The following RARB variants were observed in gnomAD, a reference collection of about 807,000 sequenced individuals.
The protein encoded by RARB is retinoic acid receptor beta.
Under a neutral mutation model 51.9 loss-of-function variants are expected in RARB, and 17 were observed. The ratio of observed to expected loss-of-function variants is 0.33; its 90% CI spans 0.22 to 0.49. The LOEUF is 0.49. Ranked by LOEUF, RARB falls within the 20% of genes least tolerant of loss-of-function variation. The pLI is 0.99. For synonymous variants in RARB, 215 were observed against 195.4 expected, an observed-to-expected ratio of 1.10 and a Z score of -0.84; for missense variants, 369 against 550.8, an observed-to-expected ratio of 0.67 and a Z score of 3.30.
At chr3:25,099,933 C>T (rs898871388) in intron 3 of RARB, among the ~76,000 whole-genome samples, 1 of 152,160 alleles carries the variant, frequency 6.6e-6, no homozygotes, top group African/African-American at 2.4e-5. Flanking sequence ...TATGGACTAC[C>T]TTGGCTCCTT....
chr3:25,571,393 T>A (rs779774060), intron 4 of RARB, among the ~76,000 whole-genome samples: 52 of 152,270 alleles, frequency 3.4e-4, no homozygotes, highest in Non-Finnish European at 5.0e-4. Flanking sequence ...GAAGAGCAAA[T>A]GAGCCGGGCT....
chr3:25,200,874 A>G (rs1464238433), intron 5 of RARB, among the ~76,000 whole-genome samples: 5 of 152,138 alleles, frequency 3.3e-5, no homozygotes, highest in Non-Finnish European at 5.9e-5. Flanking sequence ...GTCAGGTAGC[A>G]TGATACCTCC....
chr3:25,474,993 A>G (rs993903574), intron 2 of RARB, among the ~76,000 whole-genome samples: 6 of 152,136 alleles, frequency 3.9e-5, no homozygotes, highest in Admixed American at 1.3e-4. Context: ...TCTGTGCAAA[A>G]TTATGAATTA....
intron 5 of RARB, among the ~76,000 whole-genome samples, chr3:25,180,989 G>C (rs1010391384): frequency 6.6e-6 from 1 of 152,144 alleles, no homozygotes. Context: ...AAGGGAAATA[G>C]AGAAGGTAAG....
At chr3:24,896,541 C>T (rs1409016987) in intron 2 of RARB, among the ~76,000 whole-genome samples, 1 of 152,068 alleles carries the variant, frequency 6.6e-6, no homozygotes, top group African/African-American at 2.4e-5. Flanking sequence ...TTACAGGTGC[C>T]AGCCACCGCG....
chr3:25,424,812 T>C (rs1371222417), upstream of RARB, among the ~76,000 whole-genome samples: 2 of 152,224 alleles, frequency 1.3e-5, no homozygotes, highest in African/African-American at 4.8e-5. Flanking sequence ...ACTCTCCAGT[T>C]CAAACATGTT....
intron 2 of RARB, among the ~76,000 whole-genome samples, chr3:24,972,054 T>C (rs1027431414): frequency 6.6e-6 from 1 of 151,932 alleles, no homozygotes; most frequent in East Asian, 1.9e-4. Context: ...TAATATTAAC[T>C]ATATTCAGCC....
At chr3:24,925,785 T>G (rs1469656123) in intron 2 of RARB, among the ~76,000 whole-genome samples, 3 of 152,048 alleles carry the variant, frequency 2.0e-5, no homozygotes, top group Non-Finnish European at 4.4e-5. Context: ...AATAGCTTAC[T>G]CTTGCCTACA....
chr3:25,526,275 T>A (rs1022779494), intron 3 of RARB, among the ~76,000 whole-genome samples: 1 of 152,156 alleles, frequency 6.6e-6, no homozygotes, highest in Non-Finnish European at 1.5e-5. Context: ...AGTGGTCCAA[T>A]ATGTCATTGA....
chr3:25,492,668 AT>A (rs149239851), intron 2 of RARB, among the ~76,000 whole-genome samples: 12,010 of 152,240 alleles, frequency 0.079, 590 homozygotes, highest in Middle Eastern at 0.17. Flanking sequence ...TTCTCGAAAG[AT>A]TAGCTTTACA....
intron 3 of RARB, among the ~76,000 whole-genome samples, chr3:25,568,156 C>T (rs1440592223): frequency 1.3e-5 from 2 of 152,162 alleles, no homozygotes; most frequent in Admixed American, 6.5e-5. Flanking sequence ...TTTTCTGAGC[C>T]AATGAGCAGT....
chr3:25,203,666 G>T (rs185477920), intron 5 of RARB, among the ~76,000 whole-genome samples: 374 of 152,232 alleles, frequency 2.5e-3, no homozygotes, highest in African/African-American at 8.3e-3. Context: ...GTCTGTAAAG[G>T]ATTTTATTTC....
At chr3:25,409,820 T>G (rs538351675) in intron 5 of RARB, among the ~76,000 whole-genome samples, 1 of 152,342 alleles carries the variant, frequency 6.6e-6, no homozygotes, top group Non-Finnish European at 1.5e-5. Flanking sequence ...CAAACGTACT[T>G]TAATGCCTTT....
chr3:25,239,843 T>C (rs1702388629), intron 5 of RARB, among the ~76,000 whole-genome samples: 1 of 152,192 alleles, frequency 6.6e-6, no homozygotes, highest in African/African-American at 2.4e-5. Flanking sequence ...ATTGGTATTT[T>C]GACAGAGATT....
chr3:25,307,543 G>A (rs1295441609), intron 5 of RARB, among the ~76,000 whole-genome samples: 1 of 152,190 alleles, frequency 6.6e-6, no homozygotes, highest in African/African-American at 2.4e-5. Context: ...AGTGAGCCAG[G>A]TTTGAAGGTT....
At chr3:25,551,037 A>G (rs551287294) in intron 3 of RARB, among the ~76,000 whole-genome samples, 5 of 152,296 alleles carry the variant, frequency 3.3e-5, no homozygotes, top group African/African-American at 1.2e-4. Context: ...TATAGAACTG[A>G]CTGTTTTAAG....
chr3:25,579,458 C>T (rs1013462077), intron 4 of RARB, among the ~76,000 whole-genome samples: 3 of 152,196 alleles, frequency 2.0e-5, no homozygotes, highest in African/African-American at 7.2e-5. Context: ...TAAATGGAAT[C>T]GTTTTGAGTA....
chr3:25,063,612 G>A (rs771361006), intron 3 of RARB, among the ~76,000 whole-genome samples: 71 of 151,896 alleles, frequency 4.7e-4, no homozygotes, highest in African/African-American at 7.0e-4. Context: ...AATCTATGCC[G>A]GTGGAATTTG....
At chr3:25,535,861 T>A (rs1699118681) in intron 3 of RARB, among the ~76,000 whole-genome samples, 1 of 152,212 alleles carries the variant, frequency 6.6e-6, no homozygotes, top group Admixed American at 6.5e-5. Context: ...GGAATTTTTT[T>A]TATTTTACAG....
Sources: allele counts gnomAD v4.1 joint callset (sites outside exome capture counted in the v4.1 genomes callset), GRCh38; gene constraint gnomAD v4.1.1; transcripts MANE v1.5; gene names NCBI Gene and HGNC (gene_info 2026-07-23, HGNC 2026-07-21).